Variants in ZSWIM6 observed in about 807,000 individuals in gnomAD.
ZSWIM6 encodes zinc finger SWIM domain-containing protein 6.
ZSWIM6 carries 9 observed loss-of-function variants against 113.2 expected under a neutral mutation model. That is an observed-to-expected ratio of 0.08 (90% CI 0.05 to 0.14). The LOEUF (loss-of-function observed/expected upper bound fraction) is 0.14, where lower values mean the gene tolerates loss of function less well. Ranked by LOEUF, ZSWIM6 falls within the 10% of genes least tolerant of loss-of-function variation. The pLI is 1.00. For synonymous variants in ZSWIM6, 611 were observed against 606.5 expected (o/e 1.01, Z -0.11); for missense variants, 1,162 against 1,552.2 (o/e 0.75, Z 4.22).
rs188322430 is a variant in ZSWIM6 at position 61,484,584 on chromosome 5, G to T, written c.1034-6202G>T. The stretch of plus-strand genomic sequence containing the variant: ...AGAATCTATAGGTATTTTGTGCAGG[G>T]GTGTGTGCATATGTGTCTGTAGAAT... On this transcript the variant is annotated intron_variant, in intron 2 of 13. Coordinates refer to ENST00000252744, the MANE Select transcript of ZSWIM6 (RefSeq NM_020928.2). Among the ~76,000 whole-genome samples, 207 of 152,226 alleles carry T rather than the reference G, an allele frequency of 1.4e-3. 4 individuals carry two copies. In the East Asian group the frequency reaches 0.018, roughly 13 times the overall value.
chr5:61,445,294 A>G (rs1489919058), intron 1 of ZSWIM6, among the ~76,000 whole-genome samples: 1 of 152,228 alleles, frequency 6.6e-6, no homozygotes, highest in Non-Finnish European at 1.5e-5. Flanking sequence ...TGAACCATAC[A>G]ACAAAACAAG....
At chr5:61,362,347 C>T (rs572164736) in intron 1 of ZSWIM6, among the ~76,000 whole-genome samples, 78 of 152,000 alleles carry the variant, frequency 5.1e-4, no homozygotes, top group Non-Finnish European at 9.6e-4. Context: ...TACGGGTGTG[C>T]GCCACCATGC....
intron 1 of ZSWIM6, among the ~76,000 whole-genome samples, chr5:61,453,217 C>T (rs910692339): frequency 4.0e-5 from 6 of 151,830 alleles, no homozygotes; most frequent in East Asian, 1.9e-4. Flanking sequence ...TGTTTTTAAT[C>T]GACATAAAAT....
intron 1 of ZSWIM6, among the ~76,000 whole-genome samples, chr5:61,360,869 G>A (rs189799283): frequency 1.5e-4 from 23 of 152,118 alleles, no homozygotes; most frequent in East Asian, 1.2e-3. Flanking sequence ...GCTTGTTTTC[G>A]CCTTGTCTCA....
chr5:61,445,838 G>A (rs1165125056), intron 1 of ZSWIM6, among the ~76,000 whole-genome samples: 1 of 152,000 alleles, frequency 6.6e-6, no homozygotes, highest in African/African-American at 2.4e-5. Flanking sequence ...CTTTACCTTG[G>A]GGGTGACAGT....
intron 1 of ZSWIM6, among the ~76,000 whole-genome samples, chr5:61,403,267 A>C (rs1745975613): frequency 6.6e-6 from 1 of 152,224 alleles, no homozygotes; most frequent in Non-Finnish European, 1.5e-5. Context: ...AAAATTGAGT[A>C]ATTATTCCCT....
chr5:61,368,025 G>C (rs1477914580), intron 1 of ZSWIM6, among the ~76,000 whole-genome samples: 1 of 152,146 alleles, frequency 6.6e-6, no homozygotes, highest in Non-Finnish European at 1.5e-5. Context: ...TACTTGGGAG[G>C]CTGAGGCAGG....
At chr5:61,483,233 C>T (rs1747924923) in intron 2 of ZSWIM6, among the ~76,000 whole-genome samples, 1 of 152,074 alleles carries the variant, frequency 6.6e-6, no homozygotes, top group Non-Finnish European at 1.5e-5. Context: ...GGTATCTCTT[C>T]CTCTTCTTAT....
intron 1 of ZSWIM6, among the ~76,000 whole-genome samples, chr5:61,449,572 G>T: frequency 6.6e-6 from 1 of 152,002 alleles, no homozygotes; most frequent in Non-Finnish European, 1.5e-5. Flanking sequence ...TTTGAATAAG[G>T]CCATATGTAC....
intron 4 of ZSWIM6, among the ~76,000 whole-genome samples, chr5:61,516,082 G>C (rs566578283): frequency 6.6e-6 from 1 of 151,792 alleles, no homozygotes; most frequent in Non-Finnish European, 1.5e-5. Context: ...CACAGTATAA[G>C]AAAGATTTGG....
At chr5:61,442,176 CTGTT>C (rs747553826) in intron 1 of ZSWIM6, among the ~76,000 whole-genome samples, 116 of 152,160 alleles carry the variant, frequency 7.6e-4, no homozygotes, top group Admixed American at 1.4e-3. Context: ...TTCCTTGAGA[CTGTT>C]TGGGAGGTCT....
intron 4 of ZSWIM6, among the ~76,000 whole-genome samples, chr5:61,502,256 C>G (rs1748487662): frequency 1.3e-5 from 2 of 152,144 alleles, no homozygotes; most frequent in South Asian, 4.1e-4. Context: ...GAAGCAGCTC[C>G]TTAGGCAGCT....
At chr5:61,453,378 C>CTT (rs60097146) in intron 1 of ZSWIM6, among the ~76,000 whole-genome samples, 23,185 of 135,736 alleles carry the variant, frequency 0.17, 2,203 homozygotes, top group Non-Finnish European at 0.2. Context: ...CTCTCTCTCT[C>CTT]TTTTTTTTTT....
intron 1 of ZSWIM6, among the ~76,000 whole-genome samples, chr5:61,457,152 G>A (rs957077995): frequency 1.3e-5 from 2 of 151,710 alleles, no homozygotes; most frequent in South Asian, 2.1e-4. Context: ...GAGAATATGC[G>A]GTGTTTGTAA....
chr5:61,340,095 A>G (rs1744510755), intron 1 of ZSWIM6, among the ~76,000 whole-genome samples: 1 of 152,188 alleles, frequency 6.6e-6, no homozygotes, highest in Non-Finnish European at 1.5e-5. Flanking sequence ...TCCTCTAAGA[A>G]TATGCTTTGT....
At chr5:61,534,720 G>A (rs1749530710) in intron 9 of ZSWIM6, among the ~76,000 whole-genome samples, 1 of 152,040 alleles carries the variant, frequency 6.6e-6, no homozygotes, top group African/African-American at 2.4e-5. Context: ...AGCATTCAGG[G>A]AGCACACAGG....
rs1384986244 is a variant in ZSWIM6, at chr5:61,545,405, A to G, written c.*1088A>G. Reference sequence around the variant, plus strand: ...GCAAGCCTTAGCATTAAGAATATACAATATGCCGGAATTGGGGTTCGTGCC... The same window carrying G: ...GCAAGCCTTAGCATTAAGAATATACGATATGCCGGAATTGGGGTTCGTGCC... On this transcript the variant is annotated 3_prime_UTR_variant, in exon 14 of 14. Transcript: ENST00000252744. The G allele has an allele frequency of 6.6e-6, 1 of 152,066 alleles. No homozygotes were observed. The highest frequency in any genetic ancestry group is 2.4e-5 in the African/African-American group (1 of 41,406). 9.4% of individuals were successfully genotyped at this position (152,066 alleles called of 1,614,324 possible).
chr5:61,348,347 A>C (rs920595488), intron 1 of ZSWIM6, among the ~76,000 whole-genome samples: 17 of 152,174 alleles, frequency 1.1e-4, no homozygotes, highest in Non-Finnish European at 1.2e-4. Context: ...AAACCAAAAA[A>C]TTCATGTAGC....
intron 5 of ZSWIM6, among the ~76,000 whole-genome samples, 199 bp from the exon 6 acceptor site, chr5:61,525,597 CAAGT>C (rs1478680877): frequency 7.2e-5 from 11 of 152,232 alleles, no homozygotes; most frequent in African/African-American, 2.2e-4. Context: ...GTTTGATAAA[CAAGT>C]GAGTGAATGG....
Sources: allele counts gnomAD v4.1 joint callset (sites outside exome capture counted in the v4.1 genomes callset), GRCh38; gene constraint gnomAD v4.1.1; transcripts MANE v1.5; gene names NCBI Gene and HGNC (gene_info 2026-07-23, HGNC 2026-07-21).